ATRN: variants seen among roughly 807,000 people sequenced by gnomAD.
The protein encoded by ATRN is attractin.
In ATRN, 54 loss-of-function variants were observed where a neutral mutation model predicts 178.7. The observed-to-expected ratio is 0.30, with a 90% confidence interval of 0.24 to 0.38. The LOEUF (loss-of-function observed/expected upper bound fraction) is 0.38. Among genes scored for constraint, ATRN ranks in the 10% least tolerant of loss-of-function variants. The pLI is 1.00. For synonymous variants in ATRN, 636 were observed against 663.0 expected (o/e 0.96, Z 0.63); for missense variants, 1,443 against 1,815.1 (o/e 0.79, Z 3.73).
intron 2 of ATRN, among the ~76,000 whole-genome samples, chr20:3,535,622 C>CACAT (rs2085520104): frequency 6.9e-6 from 1 of 144,342 alleles, no homozygotes; most frequent in Admixed American, 6.9e-5. Context: ...CACACACACA[C>CACAT]ACACATATAT....
At chr20:3,555,784 G>A (rs1300373653) in intron 6 of ATRN, among the ~76,000 whole-genome samples, 5 of 152,238 alleles carry the variant, frequency 3.3e-5, no homozygotes, top group Admixed American at 3.3e-4. Context: ...TGTCTGGAGA[G>A]CTATGTGTAA....
At chr20:3,487,208 A>C (rs1000907451) in intron 1 of ATRN, among the ~76,000 whole-genome samples, 10 of 152,052 alleles carry the variant, frequency 6.6e-5, no homozygotes, top group African/African-American at 2.4e-4. Flanking sequence ...GATACTTTTG[A>C]TCCTATTGTG....
intron 1 of ATRN, among the ~76,000 whole-genome samples, chr20:3,520,281 CTT>C (rs2085274458): frequency 6.6e-6 from 1 of 151,962 alleles, no homozygotes; most frequent in African/African-American, 2.4e-5. Context: ...GTAGATGTAT[CTT>C]AGGAGTCTCA....
chr20:3,513,305 C>A (rs1265769999), intron 1 of ATRN, among the ~76,000 whole-genome samples: 2 of 152,194 alleles, frequency 1.3e-5, no homozygotes, highest in African/African-American at 4.8e-5. Context: ...AGGAAGGGAT[C>A]CAGTTTCAGC....
chr20:3,566,313 G>A (rs2086035333), intron 11 of ATRN, among the ~76,000 whole-genome samples: 1 of 152,038 alleles, frequency 6.6e-6, no homozygotes, highest in Admixed American at 6.6e-5. Flanking sequence ...TCAAAAAATC[G>A]GCCCTTGGAG....
chr20:3,481,870 C>A (rs1358126119), intron 1 of ATRN, among the ~76,000 whole-genome samples: 1 of 106,566 alleles, frequency 9.4e-6, no homozygotes, highest in East Asian at 2.9e-4. Context: ...CAATTAATTT[C>A]TCTTGGTCCT....
chr20:3,520,054 GT>G (rs1426830913), intron 1 of ATRN, among the ~76,000 whole-genome samples: 1 of 152,214 alleles, frequency 6.6e-6, no homozygotes, highest in Non-Finnish European at 1.5e-5. Context: ...GCGGTGAACA[GT>G]GAACTTGTTT....
chr20:3,498,824 T>C (rs2084916256), intron 1 of ATRN, among the ~76,000 whole-genome samples: 1 of 144,796 alleles, frequency 6.9e-6, no homozygotes, highest in Admixed American at 6.9e-5. Context: ...TGTTGGAAGT[T>C]CTGGCCAGGG....
intron 24 of ATRN, among the ~76,000 whole-genome samples, chr20:3,622,468 T>A (rs1348307253): frequency 6.6e-6 from 1 of 152,238 alleles, no homozygotes; most frequent in East Asian, 1.9e-4. Flanking sequence ...CAATGTATGT[T>A]TGTTAATCAA....
intron 25 of ATRN, among the ~76,000 whole-genome samples, chr20:3,629,719 C>T (rs146058171): frequency 6.8e-4 from 104 of 152,294 alleles, no homozygotes; most frequent in African/African-American, 2.3e-3. Flanking sequence ...CAAGATTTGA[C>T]AATTTGTTAG....
intron 1 of ATRN, among the ~76,000 whole-genome samples, chr20:3,513,205 T>A (rs2085160788): frequency 6.6e-6 from 1 of 152,202 alleles, no homozygotes; most frequent in Non-Finnish European, 1.5e-5. Context: ...CTGAATGGTA[T>A]TGCCTAGGTT....
intron 17 of ATRN, among the ~76,000 whole-genome samples, chr20:3,584,393 A>G (rs1027692814): frequency 2.0e-5 from 3 of 152,238 alleles, no homozygotes; most frequent in African/African-American, 7.2e-5. Flanking sequence ...TTTGTAAAGT[A>G]AATGCTTTCC....
intron 1 of ATRN, among the ~76,000 whole-genome samples, chr20:3,497,664 A>C (rs907653459): frequency 6.6e-6 from 1 of 152,022 alleles, no homozygotes; most frequent in Admixed American, 6.6e-5. Flanking sequence ...TTCGAGGAGT[A>C]TCTTTGTGGC....
rs748413639 is a variant in ATRN at position 3,584,672 on chromosome 20, C to G, written c.2976C>G (p.Thr992=). 3.1e-6 allele frequency: 5 copies of G among 1,613,642 alleles called. No homozygotes were observed. The highest frequency in any genetic ancestry group is 4.2e-6 in the Non-Finnish European group (5 of 1,179,924). ...CTGAAAATTGTTCAGGCTACTGTAC[C>G]TGTAGTCATTGCTTGGAGCAACCAG... is the stretch of plus-strand genomic sequence containing the variant. The part of the protein sequence containing the change: ...CPPENCSGYC[T]CSHCLEQPGC... The change falls in exon 18 of 29, where the codon ACC becomes ACG. Residue 992 remains threonine (T), a synonymous_variant. Transcript: ENST00000262919.
intron 1 of ATRN, among the ~76,000 whole-genome samples, chr20:3,531,064 G>A (rs1316717249): frequency 2.0e-5 from 3 of 152,148 alleles, no homozygotes; most frequent in Non-Finnish European, 2.9e-5. Flanking sequence ...GTGTACAGGT[G>A]TTGCCCATGC....
intron 24 of ATRN, among the ~76,000 whole-genome samples, chr20:3,612,573 G>A (rs184804766): frequency 1.4e-4 from 22 of 152,244 alleles, no homozygotes; most frequent in African/African-American, 4.8e-4. Flanking sequence ...TAGTTTCTCC[G>A]ATCCGAAAGA....
intron 24 of ATRN, among the ~76,000 whole-genome samples, chr20:3,616,956 T>A (rs76815730): frequency 6.0e-5 from 9 of 150,136 alleles, no homozygotes; most frequent in African/African-American, 2.2e-4. Context: ...ATCGCATTTT[T>A]ATCCCTCAGT....
At chr20:3,515,115 T>C (rs2085189016) in intron 1 of ATRN, among the ~76,000 whole-genome samples, 1 of 152,206 alleles carries the variant, frequency 6.6e-6, no homozygotes, top group African/African-American at 2.4e-5. Context: ...TCATTTTCAG[T>C]ATTGTAATGA....
chr20:3,638,438 C>T lies in ATRN; in HGVS notation c.3943-390C>T, dbSNP rs1047540615. 1.3e-5 allele frequency among the ~76,000 whole-genome samples: 2 copies of T among 152,122 alleles called. No homozygotes were observed. Among genetic ancestry groups the T allele is most frequent in the Non-Finnish European group, 1.5e-5 (1 of 68,030 alleles). ...GAGACTGATGGCTTCCAGCTTCATC[C>T]GTGTCCCTGCAAAGGATATGAACTC... On this transcript the variant is annotated intron_variant, in intron 26 of 28. Coordinates refer to ENST00000262919, the MANE Select transcript of ATRN (RefSeq NM_139321.3). This position sits in a 1 kb window ranked among gnomAD's most constrained non-coding sequence, Gnocchi z 4.5.
Sources: allele counts gnomAD v4.1 joint callset (sites outside exome capture counted in the v4.1 genomes callset), GRCh38; gene constraint gnomAD v4.1.1; non-coding constraint Gnocchi (gnomAD v3.1); transcripts MANE v1.5; gene names NCBI Gene and HGNC (gene_info 2026-07-23, HGNC 2026-07-21).